Variants in PTPRM observed in about 807,000 individuals in gnomAD.
The protein encoded by PTPRM is protein tyrosine phosphatase receptor type M.
Under a neutral mutation model 186.7 loss-of-function variants are expected in PTPRM, and 47 were observed. That is an observed-to-expected ratio of 0.25 (90% CI 0.20 to 0.32). The LOEUF (loss-of-function observed/expected upper bound fraction) is 0.32. Ranked by LOEUF, PTPRM falls within the 10% of genes least tolerant of loss-of-function variation. The pLI is 1.00. For missense variants in PTPRM, 1,494 were observed against 1,865.0 expected, an observed-to-expected ratio of 0.80 and a Z score of 3.66; for synonymous variants, 668 against 674.9, an observed-to-expected ratio of 0.99 and a Z score of 0.16.
At chr18:8,089,305 T>C (rs2090591958) in intron 11 of PTPRM, among the ~76,000 whole-genome samples, 1 of 152,186 alleles carries the variant, frequency 6.6e-6, no homozygotes, top group Non-Finnish European at 1.5e-5. Context: ...AGATGTATAG[T>C]TTTTTGAAAA....
chr18:8,017,488 C>A (rs2084944880), intron 7 of PTPRM, among the ~76,000 whole-genome samples: 1 of 143,158 alleles, frequency 7.0e-6, no homozygotes. Flanking sequence ...GAGGCTGAGG[C>A]AAGAGAATTG....
chr18:8,289,225 T>C lies in PTPRM; in HGVS notation c.2755-7143T>C, dbSNP rs141320926. ...TAAAATGCTCACCCCCCAATAGAGC[T>C]TCACAAACCTCATAAGCATGTATGG... On this transcript the variant is annotated intron_variant, in intron 19 of 32. Transcript: ENST00000580170. 3.7e-3 allele frequency among the ~76,000 whole-genome samples: 566 copies of C among 151,954 alleles called. 5 individuals are homozygous for C. Among genetic ancestry groups the C allele is most frequent in the African/African-American group, 0.013 (525 of 41,434 alleles).
At chr18:7,801,820 C>T (rs2043986089) in intron 2 of PTPRM, among the ~76,000 whole-genome samples, 1 of 152,228 alleles carries the variant, frequency 6.6e-6, no homozygotes, top group African/African-American at 2.4e-5. Context: ...ACATGTAGTC[C>T]ATCATTGGCT....
chr18:7,729,366 C>T (rs2040610582), intron 1 of PTPRM, among the ~76,000 whole-genome samples: 2 of 151,994 alleles, frequency 1.3e-5, no homozygotes, highest in Admixed American at 6.6e-5. Context: ...TTGTGGAACC[C>T]CCTCTGGGTA....
At chr18:8,310,262 C>G (rs2095257781) in intron 20 of PTPRM, among the ~76,000 whole-genome samples, 1 of 151,868 alleles carries the variant, frequency 6.6e-6, no homozygotes, top group South Asian at 2.1e-4. Flanking sequence ...CTTGCAGTAG[C>G]CTCCCCATTG....
At chr18:7,621,388 C>G (rs1383988077) in intron 1 of PTPRM, among the ~76,000 whole-genome samples, 4 of 151,960 alleles carry the variant, frequency 2.6e-5, no homozygotes, top group Non-Finnish European at 5.9e-5. Context: ...GCCCTGCCCC[C>G]ACACATGCAT....
intron 14 of PTPRM, chr18:8,154,496 G>A (rs1055949697): frequency 2.0e-5 from 3 of 152,194 alleles, no homozygotes; most frequent in Admixed American, 6.5e-5. Flanking sequence ...AGCCGCCATC[G>A]TCTGTACTTG....
chr18:7,881,280 C>T (rs1013539202), intron 2 of PTPRM, among the ~76,000 whole-genome samples: 1 of 152,042 alleles, frequency 6.6e-6, no homozygotes, highest in Non-Finnish European at 1.5e-5. Flanking sequence ...ACTAAAAATA[C>T]AAAAATTAGC....
chr18:8,093,909 C>CT (rs1456292938), intron 11 of PTPRM, among the ~76,000 whole-genome samples: 7 of 152,066 alleles, frequency 4.6e-5, no homozygotes, highest in Admixed American at 2.0e-4. Context: ...TCTAGTCACC[C>CT]TTTAAGTATA....
chr18:8,023,200 G>A (rs1310915519), intron 7 of PTPRM, among the ~76,000 whole-genome samples: 4 of 152,086 alleles, frequency 2.6e-5, no homozygotes, highest in Non-Finnish European at 5.9e-5. Context: ...AGGAAAAGAG[G>A]GAAAAGTCAG....
intron 14 of PTPRM, among the ~76,000 whole-genome samples, chr18:8,219,505 C>T (rs558642198): frequency 9.9e-5 from 15 of 152,002 alleles, no homozygotes; most frequent in African/African-American, 2.9e-4. Flanking sequence ...TATGAGTAAC[C>T]GTGGCCCAAG....
rs146079874 is a variant in PTPRM, at chr18:8,040,286, C to A, written c.1133-29400C>A. Reference sequence around the variant, plus strand: ...TTCTCACTCTCATCCTAGTCATCTTCCCATTGAGAATTATTTTTCTATTTG... The same window carrying A: ...TTCTCACTCTCATCCTAGTCATCTTACCATTGAGAATTATTTTTCTATTTG... On this transcript the variant is annotated intron_variant, in intron 7 of 32. Transcript: ENST00000580170. Among the ~76,000 whole-genome samples, 818 of 152,238 alleles carry A rather than the reference C, an allele frequency of 5.4e-3. 10 individuals are homozygous for A. The highest frequency in any genetic ancestry group is 0.018 in the African/African-American group (754 of 41,536).
rs568654996 is a variant in PTPRM at position 8,038,537 on chromosome 18, G to A, written c.1133-31149G>A. Among the ~76,000 whole-genome samples the A allele has an allele frequency of 6.6e-5, 10 of 152,132 alleles. No individual in the cohort carries two copies. The East Asian group carries it at 1.7e-3, about 27-fold the overall frequency. On this transcript the variant is annotated intron_variant, in intron 7 of 32. Coordinates refer to ENST00000580170, the MANE Select transcript of PTPRM (RefSeq NM_001105244.2). ...CTCCCAAGTAGCTGGAATTACAAGC[G>A]TGTACCGCCATGCCTGGCTAATTTT...
At chr18:7,908,198 A>G (rs1256188445) in intron 4 of PTPRM, among the ~76,000 whole-genome samples, 2 of 152,146 alleles carry the variant, frequency 1.3e-5, no homozygotes, top group South Asian at 2.1e-4. Context: ...CCAGCAGTGC[A>G]TGGTAGCTTT....
At chr18:7,992,365 G>A (rs2083310508) in intron 7 of PTPRM, among the ~76,000 whole-genome samples, 1 of 152,152 alleles carries the variant, frequency 6.6e-6, no homozygotes, top group Non-Finnish European at 1.5e-5. Flanking sequence ...AGAAATTGAT[G>A]AGATTAAGTG....
chr18:8,073,685 A>C (rs999353255), intron 8 of PTPRM, among the ~76,000 whole-genome samples: 11 of 152,336 alleles, frequency 7.2e-5, no homozygotes, highest in African/African-American at 2.6e-4. Context: ...GGAGGGGACC[A>C]CTTGAGCCCA....
chr18:8,120,621 A>C (rs1182615620), intron 13 of PTPRM, among the ~76,000 whole-genome samples: 1 of 151,236 alleles, frequency 6.6e-6, no homozygotes, highest in Non-Finnish European at 1.5e-5. Flanking sequence ...TCAGCCTCCC[A>C]AGTAGCTGGG....
chr18:7,669,686 TGTG>T (rs1371281910), intron 1 of PTPRM, among the ~76,000 whole-genome samples: 2 of 152,110 alleles, frequency 1.3e-5, no homozygotes, highest in African/African-American at 4.8e-5. Flanking sequence ...GCAAGGCACA[TGTG>T]GTGAGAGGGT....
intron 7 of PTPRM, among the ~76,000 whole-genome samples, chr18:8,042,791 G>A (rs2086775321): frequency 6.6e-6 from 1 of 152,038 alleles, no homozygotes; most frequent in South Asian, 2.1e-4. Flanking sequence ...TCTTTTTCCT[G>A]TCCCTTTTCC....
Sources: gnomAD v4.1 joint callset for allele counts (sites outside exome capture counted in the v4.1 genomes callset) on GRCh38, gnomAD v4.1.1 for gene constraint, MANE v1.5 for transcripts, NCBI Gene and HGNC (gene_info 2026-07-23, HGNC 2026-07-21) for gene names.